The following ANGPT1 variants were observed in gnomAD, a reference collection of about 807,000 sequenced individuals.
The protein encoded by ANGPT1 is angiopoietin 1, also known as angiopoietin-1.
In ANGPT1, 17 loss-of-function variants were observed where a neutral mutation model predicts 62.2. The observed-to-expected ratio is 0.27, with a 90% CI of 0.19 to 0.41. The LOEUF (loss-of-function observed/expected upper bound fraction) is 0.41. Ranked by LOEUF, ANGPT1 falls within the 10% of genes least tolerant of loss-of-function variation. ANGPT1 has a pLI of 1.00. For missense variants in ANGPT1, 478 were observed against 594.9 expected (o/e 0.80, Z 2.04); for synonymous variants, 199 against 198.9 (o/e 1.00, Z 0.00).
chr8:107,380,064 C>A (rs567741111), intron 1 of ANGPT1, among the ~76,000 whole-genome samples: 1 of 152,062 alleles, frequency 6.6e-6, no homozygotes, highest in Non-Finnish European at 1.5e-5. Context: ...TCTGCTTCAT[C>A]ATCAGATACT....
chr8:107,449,385 C>G (rs1318561335), intron 1 of ANGPT1, among the ~76,000 whole-genome samples: 1 of 113,392 alleles, frequency 8.8e-6, no homozygotes, highest in Admixed American at 1.0e-4. Context: ...CACCCACACA[C>G]TCACACACAC....
intron 6 of ANGPT1, among the ~76,000 whole-genome samples, chr8:107,285,976 A>G (rs1350715441): frequency 6.6e-6 from 1 of 152,156 alleles, no homozygotes; most frequent in Non-Finnish European, 1.5e-5. Flanking sequence ...AGGAAAGGAT[A>G]GAGGAAAGAA....
intron 1 of ANGPT1, among the ~76,000 whole-genome samples, chr8:107,348,538 G>A (rs1374337855): frequency 1.3e-5 from 2 of 151,264 alleles, no homozygotes; most frequent in Admixed American, 6.6e-5. Flanking sequence ...GACATAGGAG[G>A]GAAAAAAATT....
intron 8 of ANGPT1, among the ~76,000 whole-genome samples, chr8:107,256,330 T>C (rs992399363): frequency 2.0e-5 from 3 of 152,236 alleles, no homozygotes; most frequent in Non-Finnish European, 2.9e-5. Flanking sequence ...CTAAATAATT[T>C]GTTCGTATCA....
intron 6 of ANGPT1, among the ~76,000 whole-genome samples, chr8:107,286,449 T>C (rs1028427491): frequency 7.9e-5 from 12 of 152,288 alleles, no homozygotes; most frequent in Non-Finnish European, 1.5e-4. Context: ...TGTACTGTTC[T>C]ATTTTTAAAA....
chr8:107,252,887 A>G (rs1030186599), intron 8 of ANGPT1, among the ~76,000 whole-genome samples: 78 of 152,314 alleles, frequency 5.1e-4, no homozygotes, highest in Non-Finnish European at 9.7e-4. Context: ...GATTTATGCC[A>G]GAGACATTCT....
At chr8:107,267,875 C>A (rs1563541949) in intron 7 of ANGPT1, among the ~76,000 whole-genome samples, 1 of 151,910 alleles carries the variant, frequency 6.6e-6, no homozygotes, top group Admixed American at 6.6e-5. Flanking sequence ...CTAAGCAACA[C>A]TCTTATTTCT....
chr8:107,345,091 A>G (rs942064717), intron 2 of ANGPT1, among the ~76,000 whole-genome samples: 3 of 152,182 alleles, frequency 2.0e-5, no homozygotes, highest in Non-Finnish European at 4.4e-5. Flanking sequence ...GTCACTTCTT[A>G]AGGTAGGGCA....
In ANGPT1 at chr8:107,251,691, G is replaced by T; in HGVS notation, c.*164C>A. 1.2e-6 allele frequency: 1 copy of T among 843,716 alleles called. No homozygotes were observed. The highest frequency in any genetic ancestry group is 1.9e-5 in the South Asian group (1 of 52,376). 52.3% of individuals were successfully genotyped at this position (843,716 alleles called of 1,614,324 possible). ...AGTAGAGACTCTTGTGAACTCAAAC[G>T]GCTCCAGATTCACGGTCAAGAACCT... is the stretch of plus-strand genomic sequence containing the variant. On this transcript the variant is annotated 3_prime_UTR_variant, in exon 9 of 9. Coordinates refer to ENST00000517746, the MANE Select transcript of ANGPT1 (RefSeq NM_001146.5).
At chr8:107,289,604 T>C (rs1313040404) in intron 6 of ANGPT1, among the ~76,000 whole-genome samples, 1 of 152,168 alleles carries the variant, frequency 6.6e-6, no homozygotes. Context: ...AAATTTTGTA[T>C]TTCAAAATTT....
chr8:107,389,322 G>T (rs556496109), intron 1 of ANGPT1, among the ~76,000 whole-genome samples: 1 of 152,210 alleles, frequency 6.6e-6, no homozygotes, highest in African/African-American at 2.4e-5. Context: ...AATAGTCCTT[G>T]GTTTTCTTTG....
chr8:107,351,891 A>G (rs938917225), intron 1 of ANGPT1, among the ~76,000 whole-genome samples: 2 of 152,204 alleles, frequency 1.3e-5, no homozygotes, highest in Admixed American at 6.6e-5. Context: ...CAAAGGCTAG[A>G]TATGTACCAG....
At position 107,250,094 on chromosome 8, in the gene ANGPT1, A is replaced by C. The variant is rs1485593890; in HGVS notation, c.*1761T>G. Reference sequence around the variant, plus strand: ...CAATGTGAATAGCTTTATTTTCTCAAATGGAGGAAACCATTAAGGCATAGT... The same window carrying C: ...CAATGTGAATAGCTTTATTTTCTCACATGGAGGAAACCATTAAGGCATAGT... On this transcript the variant is annotated 3_prime_UTR_variant, in exon 9 of 9. Transcript: ENST00000517746. 1.3e-5 allele frequency: 2 copies of C among 152,520 alleles called. No homozygotes were observed. The highest frequency in any genetic ancestry group is 6.5e-5 in the Admixed American group (1 of 15,274). 9.4% of individuals were successfully genotyped at this position (152,520 alleles called of 1,614,324 possible). A position where few individuals can be genotyped will look rare whatever the true frequency, so the allele number is the denominator to read the frequency against.
chr8:107,307,520 T>C (rs764207116), intron 4 of ANGPT1, among the ~76,000 whole-genome samples: 24 of 152,118 alleles, frequency 1.6e-4, no homozygotes, highest in Non-Finnish European at 2.5e-4. Context: ...CCATTTGATA[T>C]GTCTCCTCCA....
chr8:107,323,103 T>G (rs1358972644), intron 3 of ANGPT1, among the ~76,000 whole-genome samples: 1 of 152,216 alleles, frequency 6.6e-6, no homozygotes, highest in East Asian at 1.9e-4. Context: ...TGTTGAAATC[T>G]TTAACTGAGG....
In ANGPT1 at chr8:107,472,306, T is replaced by C. The variant is rs1216519815; in HGVS notation, c.297+24956A>G. ...GTGCAAAGTTACTCTTTTTCTGTCTTCCATTACAGTGCTCTTTAGAAGAAC... is the reference window on the plus strand; with the variant it reads ...GTGCAAAGTTACTCTTTTTCTGTCTCCCATTACAGTGCTCTTTAGAAGAAC... On this transcript the variant is annotated intron_variant, in intron 1 of 8. Transcript: ENST00000517746. Among the ~76,000 whole-genome samples, 4 of 152,044 alleles carry C rather than the reference T, an allele frequency of 2.6e-5. No homozygotes were observed. The East Asian group carries it at 7.7e-4, about 29-fold the overall frequency.
intron 1 of ANGPT1, among the ~76,000 whole-genome samples, chr8:107,406,271 T>C (rs895692267): frequency 1.3e-5 from 2 of 151,936 alleles, no homozygotes; most frequent in Non-Finnish European, 2.9e-5. Context: ...CTTTACATAG[T>C]AAAGACAGTA....
chr8:107,374,023 A>G (rs1816472506), intron 1 of ANGPT1, among the ~76,000 whole-genome samples: 1 of 152,302 alleles, frequency 6.6e-6, no homozygotes, highest in East Asian at 1.9e-4. Flanking sequence ...CACCACTTCA[A>G]TTTGCTGCTC....
At chr8:107,363,516 C>T (rs1816210890) in intron 1 of ANGPT1, among the ~76,000 whole-genome samples, 1 of 152,132 alleles carries the variant, frequency 6.6e-6, no homozygotes, top group Non-Finnish European at 1.5e-5. Flanking sequence ...ACTCTGTTAG[C>T]TCTAAGCTGG....
Sources: allele counts gnomAD v4.1 joint callset (sites outside exome capture counted in the v4.1 genomes callset), GRCh38; gene constraint gnomAD v4.1.1; transcripts MANE v1.5; gene names NCBI Gene and HGNC (gene_info 2026-07-23, HGNC 2026-07-21).